Variants in NUCB1 observed in about 807,000 individuals in gnomAD.
NUCB1 encodes the protein nucleobindin-1.
NUCB1 carries 47 observed loss-of-function variants against 61.2 expected under a neutral mutation model. The observed-to-expected ratio is 0.77, with a 90% CI of 0.61 to 0.98. The LOEUF is 0.98. Ranked by LOEUF, NUCB1 falls within the 50% of genes least tolerant of loss-of-function variation. The pLI is 0.00. For missense variants in NUCB1, 583 were observed against 605.3 expected (o/e 0.96, Z 0.39); for synonymous variants, 234 against 243.1 (o/e 0.96, Z 0.35).
At chr19:48,907,573 C>T (rs781512162) in intron 4 of NUCB1, among the ~76,000 whole-genome samples, 1 of 152,180 alleles carries the variant, frequency 6.6e-6, no homozygotes, top group African/African-American at 2.4e-5. Context: ...CCAGCCTTGG[C>T]CCCCATCTTA....
intron 4 of NUCB1, among the ~76,000 whole-genome samples, chr19:48,908,908 G>A (rs1296337335): frequency 6.6e-6 from 1 of 152,044 alleles, no homozygotes; most frequent in African/African-American, 2.4e-5. Context: ...CGTGTGCGCT[G>A]TCCTTTCCTG....
intron 5 of NUCB1, among the ~76,000 whole-genome samples, chr19:48,911,999 C>A (rs1014010495): frequency 7.0e-6 from 1 of 143,162 alleles, no homozygotes; most frequent in South Asian, 2.3e-4. Flanking sequence ...ACCTCTTGTT[C>A]TTTTTTTGGT....
rs558221670 is a variant in NUCB1, at chr19:48,913,064, C to T, written c.534C>T (p.Arg178=). The T allele has an allele frequency of 4.2e-5, 68 of 1,613,644 alleles. No homozygotes were observed. The South Asian group carries it at 5.1e-4, about 12-fold the overall frequency. The change falls in exon 6 of 13, where the codon CGC becomes CGT. Residue 178 remains arginine, a synonymous_variant. Transcript: ENST00000405315. ...CAGCCCATCATGAAGAGTTCAAGCG[C>T]TACGAGATGCTTAAGGAACACGAGA... ...YDAAHHEEFK[R]YEMLKEHERR...
At chr19:48,918,847 T>C (rs1424011070) in intron 8 of NUCB1, 63 bp downstream of exon 8, 2 of 1,477,968 alleles carry the variant, frequency 1.4e-6, no homozygotes, top group African/African-American at 1.4e-5. Flanking sequence ...TGTTTCCTCC[T>C]GCAGTCCCCT....
intron 4 of NUCB1, 121 bp downstream of exon 4, chr19:48,906,006 CTGAAATG>C: frequency 1.0e-6 from 1 of 961,652 alleles, no homozygotes; most frequent in South Asian, 1.6e-5. Context: ...GCGAAATGTG[CTGAAATG>C]TGCGTGGGAG....
chr19:48,903,791 T>G (rs866169121), intron 2 of NUCB1, among the ~76,000 whole-genome samples: 15 of 145,212 alleles, frequency 1.0e-4, no homozygotes, highest in Admixed American at 4.1e-4. Flanking sequence ...GATGGATAGA[T>G]GGATGGATGG....
chr19:48,922,423 G>A lies in NUCB1; in HGVS notation c.1385G>A (p.Ter462=), dbSNP rs752172245. ...LPEVEVPQHL[*] is the part of the protein sequence containing the mutation. ...GAGGTTGAGGTGCCCCAGCATCTGTGATCCTCCGGGACCCCAGCCCTCAGG... is the reference window on the plus strand; with the variant it reads ...GAGGTTGAGGTGCCCCAGCATCTGTAATCCTCCGGGACCCCAGCCCTCAGG... The change falls in exon 13 of 13, where the codon TGA becomes TAA. Residue 462 remains the stop codon, a stop_retained_variant. Transcript: ENST00000405315. 4.3e-6 allele frequency: 7 copies of A among 1,611,624 alleles called. No individual in the cohort carries two copies. Among genetic ancestry groups the A allele is most frequent in the Non-Finnish European group, 5.9e-6 (7 of 1,177,974 alleles).
At chr19:48,918,013 C>T (rs956838080) in intron 7 of NUCB1, among the ~76,000 whole-genome samples, 12 of 151,936 alleles carry the variant, frequency 7.9e-5, no homozygotes, top group Middle Eastern at 3.2e-3. Flanking sequence ...TACTGGACAG[C>T]GCAGATCCAG....
Position 48,909,568 on chromosome 19 carries a change from T to G in NUCB1, c.377-1581T>G, listed in dbSNP as rs373960121. Among the ~76,000 whole-genome samples, 89 of 151,602 alleles carry G rather than the reference T, an allele frequency of 5.9e-4. 1 individual carries two copies. In the East Asian group the frequency reaches 0.012, roughly 21 times the overall value. ...GGCCTATTATTATTTTGAGACAGGG[T>G]TTCACTTCTATCCTCCAGGCTAGAG... is the stretch of plus-strand genomic sequence containing the variant. On this transcript the variant is annotated intron_variant, in intron 4 of 12. Coordinates refer to ENST00000405315, the MANE Select transcript of NUCB1 (RefSeq NM_006184.6).
At chr19:48,913,453 T>C (rs1350267482) in intron 6 of NUCB1, 21 bp from the exon 7 acceptor site, 19 of 1,607,752 alleles carry the variant, frequency 1.2e-5, no homozygotes, top group Non-Finnish European at 1.4e-5. Flanking sequence ...GCTCATGAGC[T>C]CCTGGCTCTC....
intron 10 of NUCB1, 90 bp from the exon 11 acceptor site, chr19:48,921,064 C>T: frequency 7.0e-7 from 1 of 1,431,614 alleles, no homozygotes; most frequent in African/African-American, 1.4e-5. Context: ...CCAGCCTCCT[C>T]TACACCTCCC....
At chr19:48,901,136 C>T (rs10416967) in intron 2 of NUCB1, 93,104 of 629,972 alleles carry the variant, frequency 0.15, 8,533 homozygotes, top group African/African-American at 0.35. Flanking sequence ...GGAAAATCTG[C>T]ATCACGCCCC....
At position 48,922,478 on chromosome 19, in the gene NUCB1, C is replaced by G; in HGVS notation, c.*54C>G. 1 of 1,443,750 alleles carries G rather than the reference C, an allele frequency of 6.9e-7. No individual in the cohort carries two copies. Among genetic ancestry groups the G allele is most frequent in the Non-Finnish European group, 9.7e-7 (1 of 1,027,612 alleles). The allele number at this position is 1,443,750 out of a possible 1,614,324, so 89.4% of individuals were successfully genotyped here. A position where few individuals can be genotyped will look rare whatever the true frequency, so the allele number is the denominator to read the frequency against. ...CTGATGCTCCAAGGCGACTGATGGG[C>G]GCTGGATGAAGTGGCACAGTCAGCT... On this transcript the variant is annotated 3_prime_UTR_variant, in exon 13 of 13. Coordinates refer to ENST00000405315, the MANE Select transcript of NUCB1 (RefSeq NM_006184.6).
Position 48,921,288 on chromosome 19 carries a change from G to A in NUCB1, c.1137G>A (p.Gln379=). The A allele has an allele frequency of 6.3e-7, 1 of 1,597,904 alleles. No individual in the cohort carries two copies. Among genetic ancestry groups the A allele is most frequent in the Non-Finnish European group, 8.5e-7 (1 of 1,172,930 alleles). ...AGACAGAGGCTCTAGGGCGGTCCCA[G>A]GGCCGCCTGGAGGCCCAGAAGAGAG... ...SQETEALGRS[Q]GRLEAQKREL... The change falls in exon 11 of 13, where the codon CAG becomes CAA. Residue 379 remains glutamine, a synonymous_variant. Transcript: ENST00000405315.
At chr19:48,901,870 T>C (rs1444193839) in intron 2 of NUCB1, among the ~76,000 whole-genome samples, 2 of 152,228 alleles carry the variant, frequency 1.3e-5, no homozygotes, top group Admixed American at 6.5e-5. Flanking sequence ...GCCTCTATTC[T>C]GTGAAATCCT....
chr19:48,906,166 G>T (rs190123978), intron 4 of NUCB1, among the ~76,000 whole-genome samples: 1 of 152,134 alleles, frequency 6.6e-6, no homozygotes, highest in Non-Finnish European at 1.5e-5. Context: ...AGTACTTTGG[G>T]AGGCTGAGGC....
intron 7 of NUCB1, among the ~76,000 whole-genome samples, chr19:48,914,818 C>T (rs1043482991): frequency 7.9e-5 from 12 of 151,628 alleles, no homozygotes; most frequent in African/African-American, 2.7e-4. Context: ...TGGTGGCTCA[C>T]GCCTATAATC....
Position 48,922,535 on chromosome 19 carries a change from G to C in NUCB1, c.*111G>C, listed in dbSNP as rs2037623738. 5 of 849,936 alleles carry C rather than the reference G, an allele frequency of 5.9e-6. No homozygotes were observed. The East Asian group carries it at 1.3e-4, about 22-fold the overall frequency. 52.6% of individuals were successfully genotyped at this position (849,936 alleles called of 1,614,324 possible). On this transcript the variant is annotated 3_prime_UTR_variant, in exon 13 of 13. Transcript: ENST00000405315. ...GGGGCTGGTGTCATGTTGGGCTCCT[G>C]GGGCGGGGGCACGGCCTGGCATTTC...
At position 48,919,434 on chromosome 19, in the gene NUCB1, TC is replaced by T. The variant is rs542305643; in HGVS notation, c.1002+152del. ...CATCTCTATCTCTGGGTCTCTGTTTTCCCCTGTCTCTAGGACTCTTATTTAT... is the reference window on the plus strand; with the variant it reads ...CATCTCTATCTCTGGGTCTCTGTTTTCCCTGTCTCTAGGACTCTTATTTAT... On this transcript the variant is annotated intron_variant, in intron 10 of 12. Coordinates refer to ENST00000405315, the MANE Select transcript of NUCB1 (RefSeq NM_006184.6). 3.6e-3 allele frequency: 1,892 copies of T among 521,622 alleles called. 9 individuals carry two copies. Among genetic ancestry groups the T allele is most frequent in the South Asian group, 5.4e-3 (183 of 33,828 alleles). 32.3% of individuals were successfully genotyped at this position (521,622 alleles called of 1,614,324 possible).
Sources: allele counts gnomAD v4.1 joint callset (sites outside exome capture counted in the v4.1 genomes callset), GRCh38; gene constraint gnomAD v4.1.1; transcripts MANE v1.5; gene names NCBI Gene and HGNC (gene_info 2026-07-23, HGNC 2026-07-21).